The following MFSD11 variants were observed in gnomAD, a reference collection of about 807,000 sequenced individuals.
The protein encoded by MFSD11 is major facilitator superfamily domain containing 11.
MFSD11 carries 36 observed loss-of-function variants against 53.5 expected under a neutral mutation model. The observed-to-expected ratio is 0.67, with a 90% CI of 0.52 to 0.89. The LOEUF (loss-of-function observed/expected upper bound fraction) is 0.89, where lower values mean the gene tolerates loss of function less well. Among genes scored for constraint, MFSD11 ranks in the 40% least tolerant of loss-of-function variants. The pLI is 0.00. For synonymous variants in MFSD11, 186 were observed against 184.9 expected (o/e 1.01, Z -0.05); for missense variants, 530 against 543.9 (o/e 0.97, Z 0.25).
chr17:76,803,606 T>C, the MFSD11 span, among the ~76,000 whole-genome samples: 2 of 152,120 alleles, frequency 1.3e-5, no homozygotes, highest in Admixed American at 1.3e-4. Flanking sequence ...TCTGATCTTA[T>C]GGCCCCTGAC....
intron 10 of MFSD11, among the ~76,000 whole-genome samples, chr17:76,771,272 G>A (rs1463338742): frequency 1.3e-5 from 2 of 152,172 alleles, no homozygotes; most frequent in Non-Finnish European, 2.9e-5. Flanking sequence ...AATAACTAAT[G>A]TCCCTCGTAT....
At chr17:76,791,214 T>G in the MFSD11 span, among the ~76,000 whole-genome samples, 81 of 148,898 alleles carry the variant, frequency 5.4e-4, 5 homozygotes, top group East Asian at 0.011. Context: ...TCTGCCCTAT[T>G]TCTGTGTGAT....
intron 6 of MFSD11, 74 bp from the exon 7 acceptor site, chr17:76,744,248 C>G: frequency 7.1e-7 from 1 of 1,403,664 alleles, no homozygotes; most frequent in Non-Finnish European, 9.5e-7. Context: ...CAGTTGTAAG[C>G]AGCCCTTGTA....
At chr17:76,737,378 A>C, upstream of MFSD11, 2 of 512,506 alleles carry the variant, frequency 3.9e-6, no homozygotes, top group East Asian at 3.3e-5. Context: ...TCCTCACAAA[A>C]TGGCGCCCGC....
chr17:76,778,510 A>G lies in MFSD11; in HGVS notation c.*158A>G, dbSNP rs752688750. 5 of 651,564 alleles carry G rather than the reference A, an allele frequency of 7.7e-6. No individual in the cohort carries two copies. Among genetic ancestry groups the G allele is most frequent in the Admixed American group, 6.0e-5 (2 of 33,076 alleles). The allele number at this position is 651,564 out of a possible 1,614,324, so 40.4% of individuals were successfully genotyped here. ...TTAAATCAGCCAGAGTTGGTGTTCA[A>G]GTTTACAGATATGAGTTATTTAAAG... On this transcript the variant is annotated 3_prime_UTR_variant, in exon 13 of 13. Coordinates refer to ENST00000685175, the MANE Select transcript of MFSD11 (RefSeq NM_001242532.5).
chr17:76,739,039 G>A (rs987632719), intron 2 of MFSD11, 46 bp downstream of exon 2: 1 of 1,443,326 alleles, frequency 6.9e-7, no homozygotes, highest in Non-Finnish European at 9.7e-7. Flanking sequence ...GACAGTAGTT[G>A]CTTAAATCTC....
intron 8 of MFSD11, among the ~76,000 whole-genome samples, chr17:76,766,405 T>A (rs1339301842): frequency 7.4e-6 from 1 of 135,054 alleles, no homozygotes; most frequent in Non-Finnish European, 1.5e-5. Context: ...GGTGACAAAG[T>A]GAGACTCTGT....
downstream of MFSD11, among the ~76,000 whole-genome samples, chr17:76,781,988 A>ATTTTTTTTTTT (rs57536397): frequency 5.8e-5 from 8 of 137,424 alleles, no homozygotes; most frequent in African/African-American, 2.3e-4. Flanking sequence ...TGCCTGGATA[A>ATTTTTTTTTTT]TTTTTTTTTT....
chr17:76,793,954 G>A, the MFSD11 span, among the ~76,000 whole-genome samples: 3 of 151,248 alleles, frequency 2.0e-5, no homozygotes, highest in Non-Finnish European at 4.4e-5. Context: ...ACAAGCCATA[G>A]AATCTAGGTG....
chr17:76,760,440 G>A (rs1335274559), intron 8 of MFSD11, among the ~76,000 whole-genome samples: 5 of 152,040 alleles, frequency 3.3e-5, no homozygotes, highest in Non-Finnish European at 2.9e-5. Flanking sequence ...AAGAAAGTCC[G>A]CACAGAAGTG....
downstream of MFSD11, among the ~76,000 whole-genome samples, chr17:76,785,019 T>C (rs1046927713): frequency 2.0e-5 from 3 of 152,244 alleles, no homozygotes; most frequent in African/African-American, 7.2e-5. Context: ...GAGATATTTG[T>C]TCACCCACAT....
the MFSD11 span, among the ~76,000 whole-genome samples, chr17:76,803,194 C>T: frequency 1.3e-5 from 2 of 151,478 alleles, no homozygotes; most frequent in Non-Finnish European, 2.9e-5. Context: ...CAAAAAAAAA[C>T]CCAAAGCAAG....
chr17:76,795,901 G>A, the MFSD11 span, among the ~76,000 whole-genome samples: 5,756 of 149,394 alleles, frequency 0.039, 357 homozygotes, highest in African/African-American at 0.13. Context: ...TCCTGACCTC[G>A]TGATCCACCT....
At chr17:76,743,967 T>C (rs1229487630) in intron 6 of MFSD11, among the ~76,000 whole-genome samples, 3 of 152,332 alleles carry the variant, frequency 2.0e-5, no homozygotes, top group East Asian at 1.9e-4. Flanking sequence ...TTTAAGGGGC[T>C]TCTCAGGGTC....
chr17:76,741,128 TA>T (rs779993915), intron 3 of MFSD11, 64 bp downstream of exon 3: 1 of 1,016,564 alleles, frequency 9.8e-7, no homozygotes, highest in South Asian at 1.3e-5. Flanking sequence ...AAGTAGATAG[TA>T]AACTTCACAA....
At chr17:76,746,043 T>C (rs970092483) in intron 7 of MFSD11, among the ~76,000 whole-genome samples, 6 of 152,208 alleles carry the variant, frequency 3.9e-5, no homozygotes, top group Non-Finnish European at 8.8e-5. Context: ...GCTATGCCTC[T>C]TGTGCCAAAC....
At chr17:76,758,356 G>A (rs976783601) in intron 8 of MFSD11, among the ~76,000 whole-genome samples, 1 of 152,244 alleles carries the variant, frequency 6.6e-6, no homozygotes, top group Middle Eastern at 3.4e-3. Flanking sequence ...AAGGTGATGG[G>A]GGGATTGCTT....
intron 2 of MFSD11, among the ~76,000 whole-genome samples, chr17:76,740,152 C>A (rs1457811718): frequency 3.9e-5 from 5 of 127,050 alleles, no homozygotes; most frequent in African/African-American, 1.5e-4. Context: ...CCAGCCTGGG[C>A]GACAGAGCGA....
the MFSD11 span, among the ~76,000 whole-genome samples, chr17:76,799,981 A>T: frequency 2.5e-5 from 3 of 119,720 alleles, no homozygotes; most frequent in Non-Finnish European, 1.6e-5. Flanking sequence ...TTTGAGACCG[A>T]GTCTCCCTCC....
Sources: allele counts gnomAD v4.1 joint callset (sites outside exome capture counted in the v4.1 genomes callset), GRCh38; gene constraint gnomAD v4.1.1; transcripts MANE v1.5; gene names NCBI Gene and HGNC (gene_info 2026-07-23, HGNC 2026-07-21).